Variants in NALCN observed in about 807,000 individuals in gnomAD.
NALCN encodes the protein sodium leak channel, non-selective.
NALCN carries 111 observed loss-of-function variants against 225.3 expected under a neutral mutation model. The observed-to-expected ratio is 0.49, with a 90% CI of 0.42 to 0.58. The LOEUF (loss-of-function observed/expected upper bound fraction) is 0.58, where lower values mean the gene tolerates loss of function less well. Ranked by LOEUF, NALCN falls within the 20% of genes least tolerant of loss-of-function variation. The pLI, the probability that NALCN is intolerant of heterozygous loss-of-function variation, is 0.00. For missense variants in NALCN, 1,378 were observed against 2,202.4 expected (o/e 0.63, Z 7.49); for synonymous variants, 764 against 769.0 (o/e 0.99, Z 0.11).
Position 101,237,777 on chromosome 13 carries a change from T to C in NALCN, c.1412A>G (p.His471Arg). ...TTLHVYPDLY[H>R]SQFTYFQVLR... ...TACCTGAAAGTACGTGAATTGTGAA[T>C]GATAAAGATCTGGGTATACATGAAG... Residue 471 changes from histidine (H) to arginine (R), a missense_variant, in exon 12 of 44, where the codon CAT (histidine) becomes CGT (arginine). Physicochemically the swap from His to Arg is conservative, Grantham distance 29. This residue lies in a region of NALCN where 144 missense variants were observed against 187.7 expected (regional missense o/e 0.77). Coordinates refer to ENST00000251127, the MANE Select transcript of NALCN (RefSeq NM_052867.4). 1 of 1,582,580 alleles carries C rather than the reference T, an allele frequency of 6.3e-7. No individual in the cohort carries two copies. Among genetic ancestry groups the C allele is most frequent in the Non-Finnish European group, 8.6e-7 (1 of 1,168,726 alleles).
At chr13:101,114,320 C>T (rs772495317) in intron 18 of NALCN, among the ~76,000 whole-genome samples, 1 of 152,246 alleles carries the variant, frequency 6.6e-6, no homozygotes, top group African/African-American at 2.4e-5. Flanking sequence ...TGTGACAGTG[C>T]TTTGGAAACA....
chr13:101,397,092 A>T (rs1209976974), intron 2 of NALCN, among the ~76,000 whole-genome samples: 3,273 of 74,012 alleles, frequency 0.044, 246 homozygotes, highest in African/African-American at 0.22. Context: ...ATATATATAT[A>T]TATATATATA....
At chr13:101,291,909 C>G (rs1172009834) in intron 9 of NALCN, 81 bp downstream of exon 9, 3 of 1,395,438 alleles carry the variant, frequency 2.1e-6, no homozygotes, top group Non-Finnish European at 2.0e-6. Context: ...CATGCAAGAG[C>G]TTCCCCAAGG....
intron 10 of NALCN, among the ~76,000 whole-genome samples, chr13:101,279,074 A>G (rs1449773381): frequency 6.6e-6 from 1 of 152,134 alleles, no homozygotes; most frequent in Admixed American, 6.5e-5. Flanking sequence ...TATGGTCTCT[A>G]AAGTAATGGA....
At chr13:101,267,490 G>T (rs1259541187) in intron 10 of NALCN, among the ~76,000 whole-genome samples, 2 of 152,186 alleles carry the variant, frequency 1.3e-5, no homozygotes, top group Non-Finnish European at 2.9e-5. Context: ...ACCAACTCCA[G>T]ACTCAGCCAT....
rs1031679554 is a variant in NALCN at position 101,264,817 on chromosome 13, C to G, written c.1135-6243G>C. ...AATGGCTGCCAACCTTGTCCCCATA[C>G]CCCAACTCCATGGTCAAAAATCAAC... On this transcript the variant is annotated intron_variant, in intron 10 of 43. Coordinates refer to ENST00000251127, the MANE Select transcript of NALCN (RefSeq NM_052867.4). Among the ~76,000 whole-genome samples, 6 of 152,154 alleles carry G rather than the reference C, an allele frequency of 3.9e-5. No individual in the cohort carries two copies. The South Asian group carries it at 1.2e-3, about 32-fold the overall frequency.
chr13:101,121,205 G>A (rs2035956813), intron 18 of NALCN, among the ~76,000 whole-genome samples: 1 of 152,060 alleles, frequency 6.6e-6, no homozygotes, highest in Non-Finnish European at 1.5e-5. Flanking sequence ...TAGATCTTCA[G>A]GGGCCCTGAA....
chr13:101,203,279 G>T (rs949386161), intron 13 of NALCN, among the ~76,000 whole-genome samples: 1 of 152,120 alleles, frequency 6.6e-6, no homozygotes, highest in African/African-American at 2.4e-5. Flanking sequence ...GCAATGGCAC[G>T]ATCTTGGCTC....
At chr13:101,185,356 T>C (rs1227527251) in intron 14 of NALCN, among the ~76,000 whole-genome samples, 1 of 152,214 alleles carries the variant, frequency 6.6e-6, no homozygotes, top group Non-Finnish European at 1.5e-5. Flanking sequence ...ACTTCAAAGG[T>C]AACAAAAAGA....
chr13:101,169,171 C>G (rs915732436), intron 15 of NALCN, among the ~76,000 whole-genome samples: 3 of 152,118 alleles, frequency 2.0e-5, no homozygotes, highest in Non-Finnish European at 2.9e-5. Flanking sequence ...TCCTGACCAT[C>G]ACATGTCCCT....
chr13:101,399,227 T>C (rs2047398523), intron 1 of NALCN, 62 bp from the exon 2 acceptor site: 1 of 1,205,404 alleles, frequency 8.3e-7, no homozygotes, highest in Non-Finnish European at 1.2e-6. Flanking sequence ...AAAAATTGAG[T>C]TCCCCACATA....
chr13:101,376,995 C>T lies in NALCN; in HGVS notation c.437G>A (p.Arg146Gln), dbSNP rs761378515. 50 of 1,613,974 alleles carry T rather than the reference C, an allele frequency of 3.1e-5. No individual in the cohort carries two copies. Among genetic ancestry groups the T allele is most frequent in the African/African-American group, 1.1e-4 (8 of 74,900 alleles). ...MSPWGMLRIP[R>Q]PLIMIRAFRI... ...GAATGCTCGGATCATAATCAGTGGC[C>T]GTGGAATCCGCAACATGCCCCAAGG... The change falls in exon 5 of 44, where the codon CGG becomes CAG. Residue 146 changes from arginine (R) to glutamine (Q), a missense_variant. Coordinates refer to ENST00000251127, the MANE Select transcript of NALCN (RefSeq NM_052867.4).
rs2034116498 is a variant in NALCN at position 101,089,631 on chromosome 13, A to G, written c.3489+32T>C. On this transcript the variant is annotated intron_variant, in intron 30 of 43. Transcript: ENST00000251127. The surrounding 1 kb of genome is among the most constrained non-coding windows in gnomAD (Gnocchi z 4.7). ...CAAAGTGAGTGGCTAGAAAAGGCTA[A>G]ACCCTGTGGTATCCAAACCAAAAAT... The G allele has an allele frequency of 6.2e-7, 1 of 1,600,024 alleles. No individual in the cohort carries two copies. Among genetic ancestry groups the G allele is most frequent in the Non-Finnish European group, 8.5e-7 (1 of 1,169,810 alleles).
rs1214079189 is a variant in NALCN at position 101,283,999 on chromosome 13, A to T, written c.1068T>A (p.Ala356=). 1.2e-6 allele frequency: 2 copies of T among 1,613,346 alleles called. No individual in the cohort carries two copies. Among genetic ancestry groups the T allele is most frequent in the African/African-American group, 2.7e-5 (2 of 74,920 alleles). The part of the protein sequence containing the change: ...ATTQMFHEDA[A]GGWQLVAVDV... ...CCACAGCTACCAGCTGCCAACCTCC[A>T]GCAGCATCTTCATGAAACATCTTCA... Residue 356 remains alanine (A), a synonymous_variant, in exon 10 of 44, where the codon GCT becomes GCA. Transcript: ENST00000251127.
At chr13:101,099,975 T>C (rs1490531052) in intron 27 of NALCN, among the ~76,000 whole-genome samples, 2 of 152,204 alleles carry the variant, frequency 1.3e-5, no homozygotes, top group African/African-American at 2.4e-5. Context: ...TATGTGAAGC[T>C]ACCGAAATAT....
chr13:101,098,109 G>A (rs190931009), intron 27 of NALCN, among the ~76,000 whole-genome samples: 16 of 152,092 alleles, frequency 1.1e-4, no homozygotes, highest in Admixed American at 3.3e-4. Flanking sequence ...TATGCTCCGT[G>A]TCCTTCTTCA....
At chr13:101,370,457 C>T (rs569882474) in intron 6 of NALCN, among the ~76,000 whole-genome samples, 6 of 152,262 alleles carry the variant, frequency 3.9e-5, no homozygotes, top group South Asian at 2.1e-4. Context: ...CCATGTGAGG[C>T]GGAAGACCAG....
At chr13:101,308,720 C>T (rs1289684366) in intron 7 of NALCN, among the ~76,000 whole-genome samples, 2 of 152,162 alleles carry the variant, frequency 1.3e-5, no homozygotes, top group African/African-American at 4.8e-5. Flanking sequence ...AAATTATTGA[C>T]ATACAGACAT....
At chr13:101,212,119 T>C (rs1162322139) in intron 13 of NALCN, among the ~76,000 whole-genome samples, 1 of 152,188 alleles carries the variant, frequency 6.6e-6, no homozygotes, top group East Asian at 1.9e-4. Flanking sequence ...TCCATGCCTG[T>C]GATTCTCCAT....
Sources: allele counts gnomAD v4.1 joint callset (sites outside exome capture counted in the v4.1 genomes callset), GRCh38; gene constraint gnomAD v4.1.1; regional missense constraint gnomAD v4.1.1; non-coding constraint Gnocchi (gnomAD v3.1); transcripts MANE v1.5; gene names NCBI Gene and HGNC (gene_info 2026-07-23, HGNC 2026-07-21).